The following TMPO variants were observed in gnomAD, a reference collection of about 807,000 sequenced individuals.
TMPO encodes thymopoietin, also known as LEM domain containing 4.
TMPO carries 22 observed loss-of-function variants against 45.4 expected under a neutral mutation model. That is an observed-to-expected ratio of 0.48 (90% confidence interval 0.35 to 0.69). TMPO has a LOEUF of 0.69. Ranked by LOEUF, TMPO falls within the 30% of genes least tolerant of loss-of-function variation. The pLI is 0.01. For synonymous variants in TMPO, 241 were observed against 204.1 expected, an observed-to-expected ratio of 1.18 and a Z score of -1.54; for missense variants, 512 against 548.8, an observed-to-expected ratio of 0.93 and a Z score of 0.67.
chr12:98,543,607 A>C (rs537554611), intron 4 of TMPO, among the ~76,000 whole-genome samples: 55 of 152,326 alleles, frequency 3.6e-4, no homozygotes, highest in African/African-American at 1.2e-3. Flanking sequence ...TTGAGATTTG[A>C]AAGTGACGTT....
intron 1 of TMPO, among the ~76,000 whole-genome samples, chr12:98,520,736 C>T (rs1031799006): frequency 2.0e-5 from 3 of 151,842 alleles, no homozygotes; most frequent in African/African-American, 7.3e-5. Flanking sequence ...AGGTGCCCGC[C>T]ACCACGCCTG....
At chr12:98,540,902 G>C (rs1042210470) in intron 4 of TMPO, among the ~76,000 whole-genome samples, 1 of 152,180 alleles carries the variant, frequency 6.6e-6, no homozygotes, top group Non-Finnish European at 1.5e-5. Flanking sequence ...GATTTTGAAA[G>C]ATTAATCCAT....
At chr12:98,526,591 A>G (rs1008819557) in intron 1 of TMPO, among the ~76,000 whole-genome samples, 7 of 152,114 alleles carry the variant, frequency 4.6e-5, no homozygotes, top group African/African-American at 1.7e-4. Flanking sequence ...GTAGAACCCA[A>G]CTGTATTCAT....
rs1188981245 is a variant in TMPO, at chr12:98,531,808, G to T, written c.535G>T (p.Asp179Tyr). The T allele has an allele frequency of 6.2e-7, 1 of 1,613,570 alleles. No individual in the cohort carries two copies. Among genetic ancestry groups the T allele is most frequent in the East Asian group, 2.2e-5 (1 of 44,822 alleles). The stretch of plus-strand genomic sequence containing the variant: ...AAATACAAGGCAGAATGGAAGTAAT[G>T]ATTCTGACAGATACAGTGACAATGA... ...AENTRQNGSN[D>Y]SDRYSDNEED... is the part of the protein sequence containing the mutation. The change falls in exon 3 of 9, where the codon GAT (aspartate) becomes TAT (tyrosine). Residue 179 changes from aspartate to tyrosine, a missense_variant. Transcript: ENST00000556029.
Position 98,544,915 on chromosome 12 carries a change from G to T in TMPO, c.880-36G>T, listed in dbSNP as rs756075894. On this transcript the variant is annotated intron_variant, in intron 6 of 8. Transcript: ENST00000556029. ...TTTTTAAGTGTCTGTGTTATGTTTGGATAATTCTGAGTCTGAATAATTTGA... is the reference window on the plus strand; with the variant it reads ...TTTTTAAGTGTCTGTGTTATGTTTGTATAATTCTGAGTCTGAATAATTTGA... The T allele has an allele frequency of 1.9e-5, 27 of 1,407,866 alleles. No individual in the cohort carries two copies. In the East Asian group the frequency reaches 6.2e-4, roughly 32 times the overall value. The allele number at this position is 1,407,866 out of a possible 1,614,324, so 87.2% of individuals were successfully genotyped here. A position where few individuals can be genotyped will look rare whatever the true frequency, so the allele number is the denominator to read the frequency against.
chr12:98,537,784 TTG>T, intron 4 of TMPO: 1 of 639,476 alleles, frequency 1.6e-6, no homozygotes, highest in Non-Finnish European at 2.8e-6. Context: ...AATGTCTCAT[TTG>T]TGTTTGAGTC....
Position 98,537,462 on chromosome 12 carries a change from A to G in TMPO, c.566-13A>G. The stretch of plus-strand genomic sequence containing the variant: ...GTTTCAGAGAGTAATGGTTTCTCCA[A>G]TGTTATTTCCAGACTCTAAAATAGA... On this transcript the variant is annotated splice_polypyrimidine_tract_variant and intron_variant, in intron 3 of 8. Transcript: ENST00000556029. 1.3e-6 allele frequency: 2 copies of G among 1,597,306 alleles called. No homozygotes were observed.
chr12:98,533,335 C>T, intron 3 of TMPO: 1 of 1,614,196 alleles, frequency 6.2e-7, no homozygotes, highest in Non-Finnish European at 8.5e-7. Flanking sequence ...AAGGAAAGCA[C>T]TAGAAGAGTC....
intron 4 of TMPO, among the ~76,000 whole-genome samples, chr12:98,540,088 A>G (rs1268838706): frequency 2.6e-5 from 4 of 152,156 alleles, no homozygotes; most frequent in Non-Finnish European, 4.4e-5. Flanking sequence ...AGCTGTTACC[A>G]CTGTAACTTT....
At chr12:98,540,069 C>CAGA (rs1877821499) in intron 4 of TMPO, among the ~76,000 whole-genome samples, 1 of 152,246 alleles carries the variant, frequency 6.6e-6, no homozygotes, top group Non-Finnish European at 1.5e-5. Context: ...TTTACTCTCT[C>CAGA]AAGTCTGTAG....
At position 98,536,839 on chromosome 12, in the gene TMPO, AG is replaced by A. The variant is rs1417990021; in HGVS notation, c.566-634del. Among the ~76,000 whole-genome samples, 7 of 152,336 alleles carry A rather than the reference AG, an allele frequency of 4.6e-5. No individual in the cohort carries two copies. In the South Asian group the frequency reaches 1.2e-3, roughly 27 times the overall value. ...TCAAAGAAATGTTATTTTTATTATA[AG>A]GACTGGGACGAGAAGTGACCTGTGA... On this transcript the variant is annotated intron_variant, in intron 3 of 8. Coordinates refer to ENST00000556029, the MANE Select transcript of TMPO (RefSeq NM_001032283.3).
At chr12:98,542,627 C>T (rs1039326306) in intron 4 of TMPO, among the ~76,000 whole-genome samples, 1 of 152,000 alleles carries the variant, frequency 6.6e-6, no homozygotes, top group Non-Finnish European at 1.5e-5. Flanking sequence ...TTTGGGAGGC[C>T]CAGGTGGGTG....
intron 3 of TMPO, chr12:98,533,753 T>C: frequency 6.2e-7 from 1 of 1,614,204 alleles, no homozygotes. Flanking sequence ...GAATCTATTT[T>C]AAAAGTAATT....
intron 4 of TMPO, among the ~76,000 whole-genome samples, chr12:98,542,159 A>C (rs796140847): frequency 4.6e-5 from 7 of 152,354 alleles, no homozygotes; most frequent in African/African-American, 1.4e-4. Context: ...GAAGCGTACC[A>C]GTAAAATTGC....
chr12:98,521,936 C>G (rs1241943563), intron 1 of TMPO, among the ~76,000 whole-genome samples: 1 of 152,134 alleles, frequency 6.6e-6, no homozygotes, highest in African/African-American at 2.4e-5. Flanking sequence ...CCATGTTGGT[C>G]AGGCCGGTCT....
intron 1 of TMPO, among the ~76,000 whole-genome samples, chr12:98,519,831 A>G (rs918714553): frequency 6.6e-6 from 1 of 152,188 alleles, no homozygotes; most frequent in South Asian, 2.1e-4. Flanking sequence ...AAAGAAATTT[A>G]TAATAATTTA....
intron 2 of TMPO, among the ~76,000 whole-genome samples, chr12:98,529,569 A>AT (rs1317215083): frequency 6.6e-5 from 10 of 151,756 alleles, no homozygotes; most frequent in African/African-American, 2.4e-4. Context: ...CCATTTTATT[A>AT]TTATTTTTTT....
Position 98,532,892 on chromosome 12 carries a change from C to G in TMPO, c.565+1054C>G, listed in dbSNP as rs1475653114. On this transcript the variant is annotated intron_variant, in intron 3 of 8. Coordinates refer to ENST00000556029, the MANE Select transcript of TMPO (RefSeq NM_001032283.3). ...GTTCCTTTTTCTGAACTTGGAACTA[C>G]TCCCTCTGGTGGTGGATTTTTTCAG... The G allele has an allele frequency of 1.8e-5, 29 of 1,614,024 alleles. No individual in the cohort carries two copies. Among genetic ancestry groups the G allele is most frequent in the Non-Finnish European group, 2.5e-5 (29 of 1,180,034 alleles).
intron 7 of TMPO, 36 bp downstream of exon 7, chr12:98,545,097 A>C: frequency 7.8e-7 from 1 of 1,284,036 alleles, no homozygotes; most frequent in Non-Finnish European, 1.1e-6. Flanking sequence ...GCTATCATTG[A>C]TCTTTCAAAG....
Sources: allele counts gnomAD v4.1 joint callset (sites outside exome capture counted in the v4.1 genomes callset), GRCh38; gene constraint gnomAD v4.1.1; transcripts MANE v1.5; gene names NCBI Gene and HGNC (gene_info 2026-07-23, HGNC 2026-07-21).